The following TTC4 variants were observed in gnomAD, a reference collection of about 807,000 sequenced individuals.
TTC4 encodes the protein hsp70/Hsp90 co-chaperone CNS1 homolog.
A neutral mutation model predicts 51.9 loss-of-function variants in TTC4; 36 were observed. The ratio of observed to expected loss-of-function variants is 0.69; its 90% confidence interval spans 0.53 to 0.92. TTC4 has a LOEUF of 0.92. TTC4 is among the 40% of genes least tolerant of loss of function. The probability of loss-of-function intolerance (pLI) is 0.00; values close to 1 mark genes in which losing one functional copy is unlikely to be tolerated. For synonymous variants in TTC4, 144 were observed against 164.2 expected, an observed-to-expected ratio of 0.88 and a Z score of 0.94; for missense variants, 399 against 454.6, an observed-to-expected ratio of 0.88 and a Z score of 1.11.
At position 54,715,991 on chromosome 1, in the gene TTC4, GCGGCTTT is replaced by G. The variant is rs746557486; in HGVS notation, c.85_91del (p.Gly29MetfsTer69). The G allele has an allele frequency of 6.3e-7, 1 of 1,598,174 alleles. No homozygotes were observed. Among genetic ancestry groups the G allele is most frequent in the Non-Finnish European group, 8.5e-7 (1 of 1,172,586 alleles). On this transcript the variant is annotated frameshift_variant, in exon 1 of 10. Transcript: ENST00000371281. LOFTEE classifies it high-confidence loss of function. ...AAGTTCCAGAGCCAGCCTTACCGTG[GCGGCTTT>G]CATGAGGACCAGTGGGAGAAGGTGG...
chr1:54,734,210 T>C (rs1645907257), intron 8 of TTC4, among the ~76,000 whole-genome samples: 1 of 151,980 alleles, frequency 6.6e-6, no homozygotes, highest in Admixed American at 6.6e-5. Context: ...TAGCTGGGAT[T>C]ATAGACGCGT....
At chr1:54,731,885 C>T (rs945793440) in intron 7 of TTC4, among the ~76,000 whole-genome samples, 185 bp downstream of exon 7, 20 of 152,150 alleles carry the variant, frequency 1.3e-4, no homozygotes, top group African/African-American at 4.6e-4. Flanking sequence ...AGGTTTGCAA[C>T]GACAGACAAA....
At chr1:54,741,275 C>A in intron 9 of TTC4, 136 bp from the exon 10 acceptor site, 1 of 808,752 alleles carries the variant, frequency 1.2e-6, no homozygotes, top group Non-Finnish European at 2.2e-6. Flanking sequence ...TTATGAACAA[C>A]CACATAACTG....
chr1:54,733,225 T>C (rs1233318733), intron 7 of TTC4, among the ~76,000 whole-genome samples: 2 of 151,400 alleles, frequency 1.3e-5, no homozygotes, highest in Non-Finnish European at 2.9e-5. Flanking sequence ...GAGACCAGCC[T>C]GGGCAATATA....
chr1:54,728,795 C>T (rs1645830741), intron 6 of TTC4, among the ~76,000 whole-genome samples: 1 of 152,124 alleles, frequency 6.6e-6, no homozygotes, highest in Admixed American at 6.6e-5. Flanking sequence ...CCTTTTCTAT[C>T]TTAGCTAAAG....
intron 3 of TTC4, among the ~76,000 whole-genome samples, chr1:54,720,452 T>A (rs11206420): frequency 0.09 from 13,508 of 149,786 alleles, 887 homozygotes; most frequent in South Asian, 0.19. Context: ...TTTTTTTTTT[T>A]AATGCACTTA....
intron 3 of TTC4, among the ~76,000 whole-genome samples, chr1:54,718,350 C>T (rs953414994): frequency 2.6e-5 from 4 of 152,122 alleles, no homozygotes; most frequent in African/African-American, 7.2e-5. Context: ...CAAAGTGAGA[C>T]CCTGTTTCTA....
chr1:54,717,414 A>G lies in TTC4; in HGVS notation c.230-78A>G. 5 of 1,328,716 alleles carry G rather than the reference A, an allele frequency of 3.8e-6. No individual in the cohort carries two copies. In the South Asian group the frequency reaches 1.0e-4, roughly 27 times the overall value. 82.3% of individuals were successfully genotyped at this position (1,328,716 alleles called of 1,614,324 possible). On this transcript the variant is annotated intron_variant, in intron 2 of 9. Transcript: ENST00000371281. ...GCTTTGGTGTGTCATATAGTACATT[A>G]TTACATGATTTAGAATCTATTTTTA...
At chr1:54,740,726 T>A (rs528435194) in intron 9 of TTC4, among the ~76,000 whole-genome samples, 5 of 151,992 alleles carry the variant, frequency 3.3e-5, no homozygotes, top group Non-Finnish European at 7.4e-5. Flanking sequence ...GCCCACTGAG[T>A]AATACAACAC....
chr1:54,730,280 CTTTT>C (rs746084756), intron 6 of TTC4, among the ~76,000 whole-genome samples: 1 of 133,190 alleles, frequency 7.5e-6, no homozygotes. Context: ...TGCATAAATC[CTTTT>C]TTTTTTTTTT....
At chr1:54,731,388 G>A in intron 6 of TTC4, 98 bp from the exon 7 acceptor site, 1 of 1,084,906 alleles carries the variant, frequency 9.2e-7, no homozygotes, top group Non-Finnish European at 1.3e-6. Context: ...AAAAAAATTA[G>A]CCAGGCATTA....
In TTC4 at chr1:54,737,667, G is replaced by A; in HGVS notation, c.1061+3G>A. ...CTACAGGTTCTACAGCACCAGAGGT[G>A]AGTCATCTCATGGCGCTGAGTAGAT... On this transcript the variant is annotated splice_donor_region_variant and intron_variant, in intron 9 of 9. Transcript: ENST00000371281. The A allele has an allele frequency of 3.1e-5, 50 of 1,612,222 alleles. No individual in the cohort carries two copies. Among genetic ancestry groups the A allele is most frequent in the Non-Finnish European group, 4.1e-5 (48 of 1,179,874 alleles).
At chr1:54,727,925 A>C (rs902226782) in intron 5 of TTC4, among the ~76,000 whole-genome samples, 2 of 152,192 alleles carry the variant, frequency 1.3e-5, no homozygotes, top group Admixed American at 6.5e-5. Context: ...AATGCAAATC[A>C]AAACCATAGT....
At chr1:54,717,102 A>T (rs565636679) in intron 2 of TTC4, among the ~76,000 whole-genome samples, 1 of 152,194 alleles carries the variant, frequency 6.6e-6, no homozygotes, top group South Asian at 2.1e-4. Flanking sequence ...GGCTTTTACT[A>T]GGGTGAGGAG....
Position 54,731,593 on chromosome 1 carries a change from A to G in TTC4, c.789A>G (p.Gly263=). The G allele has an allele frequency of 6.2e-7, 1 of 1,614,092 alleles. No homozygotes were observed. The change falls in exon 7 of 10, where the codon GGA becomes GGG. Residue 263 remains glycine (G), a synonymous_variant. Transcript: ENST00000371281. ...GACTCAGCACTGAGAACCCCCATGG[A>G]GCCAGGCTGAGTCTAGATGGCCAGG... ...LDGLSTENPH[G]ARLSLDGQGR...
intron 6 of TTC4, among the ~76,000 whole-genome samples, chr1:54,731,070 T>C (rs898776148): frequency 6.6e-6 from 1 of 152,188 alleles, no homozygotes; most frequent in Non-Finnish European, 1.5e-5. Flanking sequence ...CAGGTAGCCA[T>C]GTCTAGTTCT....
At chr1:54,729,506 G>T (rs1645839994) in intron 6 of TTC4, among the ~76,000 whole-genome samples, 1 of 152,050 alleles carries the variant, frequency 6.6e-6, no homozygotes, top group Admixed American at 6.6e-5. Flanking sequence ...CTTAACCACT[G>T]GGTTGTACAG....
chr1:54,725,114 C>G (rs1355359452), intron 5 of TTC4, among the ~76,000 whole-genome samples: 1 of 152,176 alleles, frequency 6.6e-6, no homozygotes, highest in East Asian at 1.9e-4. Context: ...AAAGCCTTTT[C>G]CCAGAGAACT....
intron 2 of TTC4, 37 bp downstream of exon 2, chr1:54,716,754 A>T (rs1205753533): frequency 1.3e-6 from 2 of 1,539,166 alleles, no homozygotes; most frequent in East Asian, 4.5e-5. Context: ...TTGTGTTTCC[A>T]TTGAACTGAA....
Sources: gnomAD v4.1 joint callset for allele counts (sites outside exome capture counted in the v4.1 genomes callset) on GRCh38, gnomAD v4.1.1 for gene constraint, MANE v1.5 for transcripts, NCBI Gene and HGNC (gene_info 2026-07-23, HGNC 2026-07-21) for gene names.